The following KIF26A variants were observed in gnomAD, a reference collection of about 807,000 sequenced individuals.
KIF26A encodes kinesin-like protein KIF26A.
A neutral mutation model predicts 126.0 loss-of-function variants in KIF26A; 74 were observed. The ratio of observed to expected loss-of-function variants is 0.59; its 90% CI spans 0.49 to 0.71. The LOEUF is 0.71. Ranked by LOEUF, KIF26A falls within the 30% of genes least tolerant of loss-of-function variation. The pLI, the probability that KIF26A is intolerant of heterozygous loss-of-function variation, is 0.00. For missense variants in KIF26A, 2,984 were observed against 2,763.3 expected, an observed-to-expected ratio of 1.08 and a Z score of -1.79; for synonymous variants, 1,445 against 1,232.7, an observed-to-expected ratio of 1.17 and a Z score of -3.61.
intron 3 of KIF26A, among the ~76,000 whole-genome samples, chr14:104,154,361 G>A (rs2037757924): frequency 6.6e-6 from 1 of 152,204 alleles, no homozygotes. Flanking sequence ...GAACGTTACT[G>A]GGTCTGGCCA....
chr14:104,166,734 G>C (rs1021347915), intron 4 of KIF26A, 125 bp from the exon 5 acceptor site: 16 of 938,328 alleles, frequency 1.7e-5, no homozygotes, highest in Non-Finnish European at 2.3e-5. Flanking sequence ...CCACATTTTG[G>C]ACTGGGTTTC....
At chr14:104,169,194 C>T (rs975224785) in intron 5 of KIF26A, among the ~76,000 whole-genome samples, 6 of 152,288 alleles carry the variant, frequency 3.9e-5, no homozygotes, top group Middle Eastern at 3.4e-3. Flanking sequence ...CTCAGGAGGA[C>T]GCCGAGGTCA....
At position 104,179,664 on chromosome 14, in the gene KIF26A, G is replaced by A; in HGVS notation, c.5523G>A (p.Glu1841=). 1 of 1,548,142 alleles carries A rather than the reference G, an allele frequency of 6.5e-7. No homozygotes were observed. The highest frequency in any genetic ancestry group is 1.7e-4 in the Middle Eastern group (1 of 5,826). Residue 1841 remains glutamate, a synonymous_variant, in exon 15 of 15, where the codon GAG becomes GAA. Transcript: ENST00000423312. ...PESAEYLAAL[E]RATAALEQCV... is the part of the protein sequence containing the mutation. ...CGGCCGAGTACCTGGCGGCCCTGGA[G>A]CGAGCCACGGCGGCCCTGGAGCAGT... is the stretch of plus-strand genomic sequence containing the variant.
intron 2 of KIF26A, among the ~76,000 whole-genome samples, chr14:104,140,126 C>G (rs1463438275): frequency 6.6e-6 from 1 of 152,314 alleles, no homozygotes; most frequent in East Asian, 1.9e-4. Flanking sequence ...ATATAGTTCT[C>G]TAAGGGCTGT....
At chr14:104,143,869 G>A (rs1476353782) in intron 2 of KIF26A, among the ~76,000 whole-genome samples, 1 of 152,264 alleles carries the variant, frequency 6.6e-6, no homozygotes, top group Non-Finnish European at 1.5e-5. Flanking sequence ...ACAGGCTTTG[G>A]TGGCAGCCTG....
chr14:104,164,717 G>GTGTGTGCGTGTCTGTGTC (rs2037865303), intron 4 of KIF26A, among the ~76,000 whole-genome samples: 3 of 151,306 alleles, frequency 2.0e-5, no homozygotes, highest in Non-Finnish European at 2.9e-5. Flanking sequence ...GTGTGTGAGT[G>GTGTGTGCGTGTCTGTGTC]TGTGTGCGTG....
At chr14:104,156,017 C>T (rs974318227) in intron 3 of KIF26A, among the ~76,000 whole-genome samples, 1 of 152,194 alleles carries the variant, frequency 6.6e-6, no homozygotes, top group African/African-American at 2.4e-5. Context: ...AAATGTGGCC[C>T]CACGGTGGTG....
In KIF26A at chr14:104,138,747, T is replaced by TGCGCTGCGCAGCCC; in HGVS notation, c.29_42dup (p.Val15LeufsTer198). The TGCGCTGCGCAGCCC allele has an allele frequency of 7.9e-7, 1 of 1,263,380 alleles. No homozygotes were observed. Among genetic ancestry groups the TGCGCTGCGCAGCCC allele is most frequent in the Non-Finnish European group, 9.9e-7 (1 of 1,006,918 alleles). 78.3% of individuals were successfully genotyped at this position (1,263,380 alleles called of 1,614,324 possible). ...CATGGTCGGCCGCGGCGTCCCTCTG[T>TGCGCTGCGCAGCCC]GCGCTGCGCAGCCCGCGGTACGCGC... On this transcript the variant is annotated frameshift_variant, in exon 1 of 15. Coordinates refer to ENST00000423312, the MANE Select transcript of KIF26A (RefSeq NM_015656.2). LOFTEE classifies it high-confidence loss of function.
At chr14:104,174,007 C>A (rs1596148431) in intron 10 of KIF26A, 139 bp downstream of exon 10, 2 of 1,390,706 alleles carry the variant, frequency 1.4e-6, no homozygotes, top group Non-Finnish European at 1.9e-6. Context: ...GGCCTCGCTG[C>A]CCGTGGGCTG....
Position 104,176,025 on chromosome 14 carries a change from C to G in KIF26A, c.3237C>G (p.Ile1079Met), listed in dbSNP as rs1460383242. The change falls in exon 12 of 15, where the codon ATC (isoleucine) becomes ATG (methionine). Residue 1079 changes from isoleucine (I) to methionine (M), a missense_variant. Physicochemically the swap from Ile to Met is conservative, Grantham distance 10 (BLOSUM62 1). Coordinates refer to ENST00000423312, the MANE Select transcript of KIF26A (RefSeq NM_015656.2). ...GSRPVSIISS[I>M]NDEFDAYTSQ... ...GGCCAGTCAGCATCATCAGCAGCATCAATGATGAGTTTGACGCCTACACCT... is the reference window on the plus strand; with the variant it reads ...GGCCAGTCAGCATCATCAGCAGCATGAATGATGAGTTTGACGCCTACACCT... 6.3e-7 allele frequency: 1 copy of G among 1,593,612 alleles called. No individual in the cohort carries two copies. Among genetic ancestry groups the G allele is most frequent in the Non-Finnish European group, 8.5e-7 (1 of 1,175,430 alleles).
At chr14:104,149,276 A>C (rs1191575686) in intron 2 of KIF26A, among the ~76,000 whole-genome samples, 1 of 151,726 alleles carries the variant, frequency 6.6e-6, no homozygotes, top group East Asian at 1.9e-4. Context: ...TTGGGTGGTG[A>C]GAGTCCCTGA....
intron 4 of KIF26A, among the ~76,000 whole-genome samples, chr14:104,163,654 A>G (rs911850838): frequency 1.3e-5 from 2 of 150,920 alleles, no homozygotes; most frequent in African/African-American, 4.9e-5. Context: ...CTCAGCTACC[A>G]GAGGGTCACG....
At chr14:104,154,849 G>A (rs1398137150) in intron 3 of KIF26A, among the ~76,000 whole-genome samples, 3 of 152,234 alleles carry the variant, frequency 2.0e-5, no homozygotes, top group Non-Finnish European at 1.5e-5. Flanking sequence ...CGGTGGCCCT[G>A]AGGAGCGGGG....
chr14:104,159,553 TGGGAGCCGAGGCCG>T, intron 4 of KIF26A, among the ~76,000 whole-genome samples: 1 of 152,314 alleles, frequency 6.6e-6, no homozygotes, highest in South Asian at 2.1e-4. Flanking sequence ...GCCTTTTGTT[TGGGAGCCGAGGCCG>T]GTGCCGCTTG....
At chr14:104,159,457 G>T (rs1177517114) in intron 4 of KIF26A, among the ~76,000 whole-genome samples, 1 of 152,238 alleles carries the variant, frequency 6.6e-6, no homozygotes, top group African/African-American at 2.4e-5. Flanking sequence ...GCCAAGGAGG[G>T]TTCCTGACAC....
In KIF26A at chr14:104,180,801, C is replaced by G; in HGVS notation, c.*1011C>G. The G allele has an allele frequency of 6.5e-6, 1 of 154,306 alleles. No individual in the cohort carries two copies. The allele number at this position is 154,306 out of a possible 1,614,324, so 9.6% of individuals were successfully genotyped here. Reference sequence around the variant, plus strand: ...CGACAGGCTCATACTTTCTGAGGATCGTGCATAGCATAGGACGTCTGAACC... The same window carrying G: ...CGACAGGCTCATACTTTCTGAGGATGGTGCATAGCATAGGACGTCTGAACC... On this transcript the variant is annotated 3_prime_UTR_variant, in exon 15 of 15. Transcript: ENST00000423312.
intron 4 of KIF26A, among the ~76,000 whole-genome samples, chr14:104,163,118 G>T (rs2037848431): frequency 6.6e-6 from 1 of 152,198 alleles, no homozygotes; most frequent in Admixed American, 6.5e-5. Flanking sequence ...GGAACAGGAG[G>T]CTGAGGCTGG....
chr14:104,154,186 G>A (rs547556370), intron 3 of KIF26A, among the ~76,000 whole-genome samples: 42 of 152,072 alleles, frequency 2.8e-4, no homozygotes, highest in Middle Eastern at 3.4e-3. Context: ...ACCACAGACC[G>A]TCAACCACCC....
Position 104,177,478 on chromosome 14 carries a change from C to A in KIF26A, c.4690C>A (p.His1564Asn). Residue 1564 changes from histidine (H) to asparagine (N), a missense_variant, in exon 12 of 15, where the codon CAC becomes AAC. His to Asn is a moderately conservative substitution (Grantham distance 68, BLOSUM62 1). Transcript: ENST00000423312. The part of the protein sequence containing the change: ...MGTKQALRAA[H>N]SRVHELSASG... ...CACAAAGCAGGCGCTCCGGGCTGCTCACAGCCGCGTCCATGAGCTGTCAGC... is the reference window on the plus strand; with the variant it reads ...CACAAAGCAGGCGCTCCGGGCTGCTAACAGCCGCGTCCATGAGCTGTCAGC... The A allele has an allele frequency of 6.5e-7, 1 of 1,532,992 alleles. No homozygotes were observed. Among genetic ancestry groups the A allele is most frequent in the Non-Finnish European group, 8.7e-7 (1 of 1,145,260 alleles). 95.0% of individuals were successfully genotyped at this position (1,532,992 alleles called of 1,614,324 possible).
Sources: allele counts gnomAD v4.1 joint callset (sites outside exome capture counted in the v4.1 genomes callset), GRCh38; gene constraint gnomAD v4.1.1; transcripts MANE v1.5; gene names NCBI Gene and HGNC (gene_info 2026-07-23, HGNC 2026-07-21).